Variants in HS6ST2 observed in about 807,000 individuals in gnomAD.
The protein encoded by HS6ST2 is heparan-sulfate 6-O-sulfotransferase 2.
Under a neutral mutation model 33.0 loss-of-function variants are expected in HS6ST2, and 17 were observed. The observed-to-expected ratio is 0.52, with a 90% CI of 0.35 to 0.77. The LOEUF (loss-of-function observed/expected upper bound fraction) is 0.77, where lower values mean the gene tolerates loss of function less well. Ranked by LOEUF, HS6ST2 falls within the 30% of genes least tolerant of loss-of-function variation. The pLI is 0.01. For missense variants in HS6ST2, 519 were observed against 551.7 expected, an observed-to-expected ratio of 0.94 and a Z score of 0.59; for synonymous variants, 248 against 237.1, an observed-to-expected ratio of 1.05 and a Z score of -0.42.
rs144522809 is a variant in HS6ST2 at position 132,894,671 on chromosome X, G to A, written c.947+62137C>T. On this transcript the variant is annotated intron_variant, in intron 2 of 4. Coordinates refer to ENST00000370833, the MANE Select transcript of HS6ST2 (RefSeq NM_001394073.1). ...CCTGCTTCAGCCTCCTGAGTAGCTG[G>A]GATTACAGGCATGTGCCACCATGTC... Among the ~76,000 whole-genome samples the A allele has an allele frequency of 6.6e-3, 730 of 110,591 alleles. 5 individuals carry two copies. Among genetic ancestry groups the A allele is most frequent in the Non-Finnish European group, 0.01 (549 of 52,946 alleles).
intron 2 of HS6ST2, among the ~76,000 whole-genome samples, chrX:132,791,724 C>T (rs909085918): frequency 6.4e-5 from 7 of 109,135 alleles, no homozygotes; most frequent in Non-Finnish European, 1.3e-4. Flanking sequence ...GTGTACAGCT[C>T]AATGTTTTGG....
At chrX:132,954,367 C>T (rs1025816742) in intron 2 of HS6ST2, among the ~76,000 whole-genome samples, 5 of 111,857 alleles carry the variant, frequency 4.5e-5, no homozygotes, top group South Asian at 3.8e-4. Context: ...CTCCCATTTC[C>T]AGACACCAGC....
At chrX:132,960,939 A>G (rs2067137486), upstream of HS6ST2, among the ~76,000 whole-genome samples, 1 of 110,075 alleles carries the variant, frequency 9.1e-6, no homozygotes, top group Non-Finnish European at 1.9e-5. Context: ...GAAGCAGGGA[A>G]TTTTTCCTAC....
chrX:132,889,877 G>C (rs2066290626), intron 2 of HS6ST2, among the ~76,000 whole-genome samples: 1 of 111,807 alleles, frequency 8.9e-6, no homozygotes, highest in Non-Finnish European at 1.9e-5. Context: ...CACATTGCCT[G>C]ACTTCAAACT....
intron 2 of HS6ST2, among the ~76,000 whole-genome samples, chrX:132,867,527 A>T (rs1332667268): frequency 9.0e-6 from 1 of 111,622 alleles, no homozygotes; most frequent in African/African-American, 3.3e-5. Context: ...CTCTTTTTCT[A>T]CTGATTGGAA....
intron 4 of HS6ST2, among the ~76,000 whole-genome samples, chrX:132,641,613 C>T (rs185580338): frequency 0.01 from 1,159 of 113,167 alleles, 56 homozygotes; most frequent in Admixed American, 0.098. Flanking sequence ...AATAACCTCT[C>T]TGTGCTTCTA....
chrX:132,737,968 G>C (rs1034196703), intron 2 of HS6ST2, among the ~76,000 whole-genome samples: 1 of 112,368 alleles, frequency 8.9e-6, no homozygotes, highest in Admixed American at 9.4e-5. Context: ...TGCCCATCCT[G>C]TTCTCAAACC....
Position 132,941,453 on chromosome X carries a change from T to A in HS6ST2, c.947+15355A>T, listed in dbSNP as rs1421781287. Among the ~76,000 whole-genome samples, 4 of 112,256 alleles carry A rather than the reference T, an allele frequency of 3.6e-5. No homozygotes were observed. In the East Asian group the frequency reaches 1.1e-3, roughly 31 times the overall value. On this transcript the variant is annotated intron_variant, in intron 2 of 4. Transcript: ENST00000370833. ...GTCTCTAAAACCCTCACTAATAATT[T>A]TTTAAGACCACTGGATTAAATAGAA...
chrX:132,820,239 G>A (rs1246789457), intron 2 of HS6ST2, among the ~76,000 whole-genome samples: 1 of 110,780 alleles, frequency 9.0e-6, no homozygotes, highest in East Asian at 2.8e-4. Flanking sequence ...GAGAGTCTGA[G>A]CCTCTCAATG....
intron 2 of HS6ST2, among the ~76,000 whole-genome samples, chrX:132,919,517 A>G (rs1207924569): frequency 8.9e-6 from 1 of 112,426 alleles, no homozygotes; most frequent in Non-Finnish European, 1.9e-5. Context: ...GAAAAACTAA[A>G]GAAAATGTGA....
At chrX:132,896,055 T>C (rs369007577) in intron 2 of HS6ST2, among the ~76,000 whole-genome samples, 3 of 111,087 alleles carry the variant, frequency 2.7e-5, no homozygotes, top group African/African-American at 9.8e-5. Flanking sequence ...ATTTGTGGGA[T>C]CTAAAAGTCA....
At chrX:132,638,469 A>G in intron 4 of HS6ST2, among the ~76,000 whole-genome samples, 1 of 111,941 alleles carries the variant, frequency 8.9e-6, no homozygotes. Context: ...ACGTGCCTGT[A>G]GATGTGTTGT....
intron 2 of HS6ST2, among the ~76,000 whole-genome samples, chrX:132,829,301 C>A (rs1251954770): frequency 9.6e-6 from 1 of 103,655 alleles, no homozygotes; most frequent in African/African-American, 3.5e-5. Flanking sequence ...ACATATAAAT[C>A]ATATATAATA....
At chrX:132,856,466 C>T (rs1228535870) in intron 2 of HS6ST2, among the ~76,000 whole-genome samples, 3 of 111,710 alleles carry the variant, frequency 2.7e-5, no homozygotes, top group Non-Finnish European at 5.6e-5. Flanking sequence ...GAAACTGAAA[C>T]TTAAACAATG....
chrX:132,847,711 T>C (rs1751269811), intron 2 of HS6ST2, among the ~76,000 whole-genome samples: 1 of 111,379 alleles, frequency 9.0e-6, no homozygotes, highest in Non-Finnish European at 1.9e-5. Context: ...ATCAAATCCA[T>C]GTTATCAGAG....
intron 2 of HS6ST2, among the ~76,000 whole-genome samples, chrX:132,729,677 T>C (rs1441890064): frequency 8.9e-6 from 1 of 112,099 alleles, no homozygotes; most frequent in Non-Finnish European, 1.9e-5. Context: ...TTTTTTACTT[T>C]GGAAATAGGT....
chrX:132,906,959 C>A (rs1335509666), intron 2 of HS6ST2, among the ~76,000 whole-genome samples: 1 of 111,647 alleles, frequency 9.0e-6, no homozygotes, highest in African/African-American at 3.3e-5. Context: ...GCCGCCATGC[C>A]CAGCCAAGAA....
intron 2 of HS6ST2, among the ~76,000 whole-genome samples, chrX:132,885,366 CTGAA>C (rs1265025925): frequency 2.7e-5 from 3 of 111,266 alleles, no homozygotes; most frequent in Non-Finnish European, 5.7e-5. Flanking sequence ...GCTGTGTACT[CTGAA>C]TGGTGAATTT....
intron 2 of HS6ST2, among the ~76,000 whole-genome samples, chrX:132,861,158 G>A (rs749179781): frequency 3.6e-5 from 4 of 110,946 alleles, no homozygotes; most frequent in Non-Finnish European, 7.5e-5. Flanking sequence ...GCTGTTTTTC[G>A]TTTGCCATTA....
Sources: allele counts gnomAD v4.1 joint callset (sites outside exome capture counted in the v4.1 genomes callset), GRCh38; gene constraint gnomAD v4.1.1; transcripts MANE v1.5; gene names NCBI Gene and HGNC (gene_info 2026-07-23, HGNC 2026-07-21).